WBP2NL: variants seen among roughly 807,000 people sequenced by gnomAD.
WBP2NL encodes WBP2 N-terminal like.
Under a neutral mutation model 23.3 loss-of-function variants are expected in WBP2NL, and 27 were observed. The ratio of observed to expected loss-of-function variants is 1.16; its 90% CI spans 0.85 to 1.60. The LOEUF (loss-of-function observed/expected upper bound fraction) is 1.60, where lower values mean the gene tolerates loss of function less well. Among genes scored for constraint, WBP2NL ranks in the 40% most tolerant of loss-of-function variants. The probability of loss-of-function intolerance (pLI) is 0.00; values close to 1 mark genes in which losing one functional copy is unlikely to be tolerated. For missense variants in WBP2NL, 370 were observed against 389.5 expected (o/e 0.95, Z 0.42); for synonymous variants, 151 against 145.9 (o/e 1.03, Z -0.25).
intron 8 of WBP2NL, among the ~76,000 whole-genome samples, chr22:42,049,695 C>CAAAAAAAAAAAA (rs1569455101): frequency 8.7e-5 from 2 of 22,878 alleles, no homozygotes; most frequent in Non-Finnish European, 1.5e-4. Flanking sequence ...GTCTCCAAAA[C>CAAAAAAAAAAAA]AAAACAAAAC....
chr22:42,039,102 C>T (rs577950412), intron 8 of WBP2NL, among the ~76,000 whole-genome samples: 2 of 150,694 alleles, frequency 1.3e-5, no homozygotes, highest in African/African-American at 4.9e-5. Context: ...GACAGAGTCT[C>T]ACCCCGTTGC....
chr22:42,019,282 G>A (rs1003192955), intron 1 of WBP2NL, 29 bp from the exon 2 acceptor site: 1 of 1,556,948 alleles, frequency 6.4e-7, no homozygotes, highest in Non-Finnish European at 8.8e-7. Context: ...ATTCTTTATT[G>A]TGTGCCGTCT....
At chr22:42,058,062 G>A (rs1181821182) in intron 8 of WBP2NL, among the ~76,000 whole-genome samples, 1 of 148,804 alleles carries the variant, frequency 6.7e-6, no homozygotes, top group South Asian at 2.1e-4. Context: ...GACTACAGGC[G>A]CCCACCACCA....
At chr22:42,053,470 CTTTTTTT>C in intron 8 of WBP2NL, among the ~76,000 whole-genome samples, 1 of 144,498 alleles carries the variant, frequency 6.9e-6, no homozygotes, top group Non-Finnish European at 1.5e-5. Flanking sequence ...TTTTCTTTTT[CTTTTTTT>C]TTTAAGACCA....
chr22:42,019,866 T>G (rs909927177), intron 3 of WBP2NL, 63 bp downstream of exon 3: 8 of 1,605,330 alleles, frequency 5.0e-6, no homozygotes, highest in Non-Finnish European at 6.8e-6. Context: ...AGGTTTAAGA[T>G]TCAAACTTGG....
At chr22:42,003,516 G>GT in intron 1 of WBP2NL, 1 of 152,162 alleles carries the variant, frequency 6.6e-6, no homozygotes. Flanking sequence ...ATAAAAGGGA[G>GT]TAAGTTGACT....
chr22:42,011,867 G>A (rs988374270), intron 1 of WBP2NL, among the ~76,000 whole-genome samples: 3 of 151,992 alleles, frequency 2.0e-5, no homozygotes, highest in African/African-American at 7.2e-5. Flanking sequence ...TTGCCTCCTG[G>A]GTTAAAGTGA....
intron 8 of WBP2NL, among the ~76,000 whole-genome samples, chr22:42,044,133 C>G (rs1256581961): frequency 1.3e-5 from 2 of 152,172 alleles, no homozygotes; most frequent in African/African-American, 4.8e-5. Flanking sequence ...CCCAAATGAG[C>G]CTTGCTCTCC....
At chr22:42,057,103 G>A (rs1430664836) in intron 8 of WBP2NL, among the ~76,000 whole-genome samples, 1 of 152,154 alleles carries the variant, frequency 6.6e-6, no homozygotes, top group Non-Finnish European at 1.5e-5. Context: ...CATCAAATGT[G>A]AGACATTTTC....
intron 5 of WBP2NL, among the ~76,000 whole-genome samples, chr22:42,025,949 A>G (rs544209294): frequency 1.3e-5 from 2 of 152,276 alleles, no homozygotes; most frequent in Non-Finnish European, 2.9e-5. Flanking sequence ...CATTTCTTAT[A>G]ATATTAAGTA....
In WBP2NL at chr22:42,019,809, T is replaced by G. The variant is rs1224207204; in HGVS notation, c.313+6T>G. ...TATTCAGGCAGCTCCATATGGTAAG[T>G]GTTCCCTCAGAAGTGTGTATTTTTT... On this transcript the variant is annotated splice_donor_region_variant and intron_variant, in intron 3 of 5. Transcript: ENST00000328823. 2 of 1,613,952 alleles carry G rather than the reference T, an allele frequency of 1.2e-6. No homozygotes were observed. Among genetic ancestry groups the G allele is most frequent in the Middle Eastern group, 1.6e-4 (1 of 6,084 alleles).
rs1925542906 is a variant in WBP2NL at position 42,045,254 on chromosome 22, T to C, written c.*274-13036T>C. Among the ~76,000 whole-genome samples, 3 of 152,110 alleles carry C rather than the reference T, an allele frequency of 2.0e-5. No homozygotes were observed. The South Asian group carries it at 6.2e-4, about 32-fold the overall frequency. On this transcript the variant is annotated intron_variant and NMD_transcript_variant, in intron 8 of 8. Transcript: ENST00000436265. ...GAGATCGAGACCATCCTGGCCAACA[T>C]GGTGAAACCCCGTCTCTACTAAAAA...
Position 42,026,676 on chromosome 22 carries a change from T to C in WBP2NL, c.515-90T>C, listed in dbSNP as rs1245225921. 7 of 1,531,528 alleles carry C rather than the reference T, an allele frequency of 4.6e-6. No individual in the cohort carries two copies. In the Admixed American group the frequency reaches 1.0e-4, roughly 23 times the overall value. 94.9% of individuals were successfully genotyped at this position (1,531,528 alleles called of 1,614,324 possible). A position where few individuals can be genotyped will look rare whatever the true frequency, so the allele number is the denominator to read the frequency against. On this transcript the variant is annotated intron_variant, in intron 5 of 5. Coordinates refer to ENST00000328823, the MANE Select transcript of WBP2NL (RefSeq NM_152613.3). Reference sequence around the variant, plus strand: ...CCTGACTTCTCTTCTTGCGTCAGTTTGCTTCAGCATTATTTTTTAAGTTCT... The same window carrying C: ...CCTGACTTCTCTTCTTGCGTCAGTTCGCTTCAGCATTATTTTTTAAGTTCT...
At chr22:42,036,022 T>A (rs1602475098), downstream of WBP2NL, among the ~76,000 whole-genome samples, 1 of 152,360 alleles carries the variant, frequency 6.6e-6, no homozygotes, top group East Asian at 1.9e-4. Context: ...TAGTCTGTTT[T>A]GTATGTGTGT....
At chr22:42,042,531 T>G (rs919154936) in intron 8 of WBP2NL, among the ~76,000 whole-genome samples, 3 of 152,216 alleles carry the variant, frequency 2.0e-5, no homozygotes, top group African/African-American at 7.2e-5. Context: ...TTTGCTGAAC[T>G]TCTCATTTCA....
At chr22:42,002,457 G>A (rs1434705922) in intron 1 of WBP2NL, among the ~76,000 whole-genome samples, 6 of 152,018 alleles carry the variant, frequency 3.9e-5, no homozygotes, top group Non-Finnish European at 7.4e-5. Context: ...GGTGGTGCAC[G>A]TCTGTAATCC....
intron 1 of WBP2NL, among the ~76,000 whole-genome samples, chr22:42,008,616 C>T (rs1410217268): frequency 6.6e-6 from 1 of 152,072 alleles, no homozygotes; most frequent in Non-Finnish European, 1.5e-5. Flanking sequence ...TTTATATGCT[C>T]ATTGGCCATT....
intron 1 of WBP2NL, among the ~76,000 whole-genome samples, chr22:42,007,525 C>T (rs1922364769): frequency 6.6e-6 from 1 of 152,172 alleles, no homozygotes; most frequent in African/African-American, 2.4e-5. Context: ...CATACTTTTC[C>T]CAACAATTCT....
In WBP2NL at chr22:42,024,184, G is replaced by C. The variant is rs532104235; in HGVS notation, c.514+1828G>C. ...GTAGCAATACTTCATTTCTTTTCCTGGCTGAATAATACTCCATTGTACATA... is the reference window on the plus strand; with the variant it reads ...GTAGCAATACTTCATTTCTTTTCCTCGCTGAATAATACTCCATTGTACATA... On this transcript the variant is annotated intron_variant, in intron 5 of 5. Transcript: ENST00000328823. Among the ~76,000 whole-genome samples the C allele has an allele frequency of 5.9e-5, 9 of 152,188 alleles. No individual in the cohort carries two copies. In the East Asian group the frequency reaches 1.7e-3, roughly 29 times the overall value.
Sources: gnomAD v4.1 joint callset for allele counts (sites outside exome capture counted in the v4.1 genomes callset) on GRCh38, gnomAD v4.1.1 for gene constraint, MANE v1.5 for transcripts, NCBI Gene and HGNC (gene_info 2026-07-23, HGNC 2026-07-21) for gene names.